DNAH5: variants seen among roughly 807,000 people sequenced by gnomAD.
The protein encoded by DNAH5 is axonemal beta dynein heavy chain 5.
A neutral mutation model predicts 518.2 loss-of-function variants in DNAH5; 372 were observed. The ratio of observed to expected loss-of-function variants is 0.72; its 90% confidence interval spans 0.66 to 0.78. The LOEUF is 0.78. Among genes scored for constraint, DNAH5 ranks in the 30% least tolerant of loss-of-function variants. The pLI is 0.00. For synonymous variants in DNAH5, 2,039 were observed against 2,025.9 expected (o/e 1.01, Z -0.17); for missense variants, 5,523 against 5,687.0 (o/e 0.97, Z 0.93).
rs1776642063 is a variant in DNAH5, at chr5:13,916,363, TG to T, written c.1181del (p.Thr394AsnfsTer5). 1 of 1,489,954 alleles carries T rather than the reference TG, an allele frequency of 6.7e-7. No homozygotes were observed. Among genetic ancestry groups the T allele is most frequent in the African/African-American group, 1.4e-5 (1 of 72,406 alleles). The allele number at this position is 1,489,954 out of a possible 1,614,324, so 92.3% of individuals were successfully genotyped here. ...SHYYNTSEKI[T>X]SLFVKVTNQI... is the part of the protein sequence containing the mutation. ...ATGCACTTACCTTTACAAACAGAGA[TG>T]TGATCTTCTCAGAGGTATTATAGTA... is the stretch of plus-strand genomic sequence containing the variant. On this transcript the variant is annotated frameshift_variant, in exon 9 of 79. Transcript: ENST00000265104. LOFTEE classifies it high-confidence loss of function.
At chr5:13,837,794 G>A (rs911262113) in intron 35 of DNAH5, among the ~76,000 whole-genome samples, 12 of 145,466 alleles carry the variant, frequency 8.2e-5, no homozygotes, top group African/African-American at 2.6e-4. Flanking sequence ...CCTCCGCCTC[G>A]GGTTCAAGTG....
At chr5:13,710,910 G>A (rs1007564087) in intron 75 of DNAH5, among the ~76,000 whole-genome samples, 4 of 152,136 alleles carry the variant, frequency 2.6e-5, no homozygotes, top group Non-Finnish European at 5.9e-5. Context: ...AAGACCAGAA[G>A]GATTCACAGC....
chr5:13,945,852 C>G (rs571854229), upstream of DNAH5, among the ~76,000 whole-genome samples: 1 of 152,194 alleles, frequency 6.6e-6, no homozygotes, highest in Non-Finnish European at 1.5e-5. Flanking sequence ...CAATTGCCCA[C>G]CTCGGCCTCC....
chr5:13,765,027 T>A (rs1051226277), intron 59 of DNAH5, among the ~76,000 whole-genome samples: 2 of 152,228 alleles, frequency 1.3e-5, no homozygotes, highest in African/African-American at 4.8e-5. Context: ...TAAATTTGAC[T>A]ACCATCTGTG....
At chr5:13,907,168 C>T (rs899355920) in intron 12 of DNAH5, among the ~76,000 whole-genome samples, 1 of 152,056 alleles carries the variant, frequency 6.6e-6, no homozygotes. Context: ...CGGTGGCTCA[C>T]GACTGTAATC....
intron 1 of DNAH5, among the ~76,000 whole-genome samples, chr5:13,938,247 C>T (rs551502157): frequency 3.9e-5 from 6 of 152,218 alleles, no homozygotes; most frequent in South Asian, 2.1e-4. Flanking sequence ...CCAAAGCACA[C>T]GGTCCCCCTG....
At position 13,882,967 on chromosome 5, in the gene DNAH5, G is replaced by A. The variant is rs371824972; in HGVS notation, c.3111C>T (p.Ala1037=). 3.7e-5 allele frequency: 59 copies of A among 1,613,984 alleles called. No homozygotes were observed. The Admixed American group carries it at 4.0e-4, about 11-fold the overall frequency. Residue 1037 remains alanine (A), a synonymous_variant, in exon 20 of 79, where the codon GCC becomes GCT. Transcript: ENST00000265104. ...LEDVQQTLNK[A]VECIISVPKG... ...TAGGGACACTGATGATGCACTCCAC[G>A]GCTTTGTTCAGGGTCTGCTGTACAT...
intron 11 of DNAH5, among the ~76,000 whole-genome samples, chr5:13,912,661 T>C (rs1446745354): frequency 6.6e-6 from 1 of 151,472 alleles, no homozygotes; most frequent in African/African-American, 2.4e-5. Flanking sequence ...TATACATATA[T>C]ACACACACAT....
At chr5:13,929,768 A>G (rs1778236823) in intron 2 of DNAH5, among the ~76,000 whole-genome samples, 1 of 152,072 alleles carries the variant, frequency 6.6e-6, no homozygotes. Context: ...CTGGGTTCTG[A>G]CCTTGACATA....
At position 13,841,824 on chromosome 5, in the gene DNAH5, A is replaced by G. The variant is rs1394698421; in HGVS notation, c.5352T>C (p.Asn1784=). The G allele has an allele frequency of 3.7e-6, 6 of 1,608,212 alleles. No homozygotes were observed. The highest frequency in any genetic ancestry group is 5.1e-6 in the Non-Finnish European group (6 of 1,178,524). Residue 1784 remains asparagine, a synonymous_variant, in exon 33 of 79, where the codon AAT becomes AAC. Transcript: ENST00000265104. Reference sequence around the variant, plus strand: ...AAAGAGAATTAAGCCAAACTTCCACATTGCCCTCTGCCATGACAGGTTTAT... The same window carrying G: ...AAAGAGAATTAAGCCAAACTTCCACGTTGCCCTCTGCCATGACAGGTTTAT... ...ELDKPVMAEG[N]VEVWLNSLLE...
At chr5:13,777,143 G>T in intron 54 of DNAH5, 59 bp downstream of exon 54, 2 of 1,517,132 alleles carry the variant, frequency 1.3e-6, no homozygotes, top group Non-Finnish European at 1.8e-6. Context: ...AACATGTAGA[G>T]CTCTAAGCTG....
intron 40 of DNAH5, among the ~76,000 whole-genome samples, chr5:13,821,482 G>A (rs186999010): frequency 6.6e-6 from 1 of 152,056 alleles, no homozygotes; most frequent in Admixed American, 6.5e-5. Context: ...ATGATGGAAG[G>A]GATGCTATTA....
Position 13,864,524 on chromosome 5 carries a change from G to A in DNAH5, c.4469C>T (p.Ala1490Val), listed in dbSNP as rs1768942005. 1 of 1,614,038 alleles carries A rather than the reference G, an allele frequency of 6.2e-7. No homozygotes were observed. The change falls in exon 28 of 79, where the codon GCC becomes GTC. Residue 1490 changes from alanine to valine, a missense_variant. By Grantham distance (64) the Ala-to-Val change is moderately conservative. Around this residue, in one of 3 missense-constraint regions of DNAH5, gnomAD observed 5,121 missense variants for 5,223.3 expected, o/e 0.98. Coordinates refer to ENST00000265104, the MANE Select transcript of DNAH5 (RefSeq NM_001369.3). Reference protein sequence around the residue: ...CPLLEYMASKAMMERHWERIT... With the variant: ...CPLLEYMASKVMMERHWERIT... Reference sequence around the variant, plus strand: ...CCTTTCCCAGTGCCGCTCCATCATGGCTTTACTGGCCATGTATTCCAGCAG... The same window carrying A: ...CCTTTCCCAGTGCCGCTCCATCATGACTTTACTGGCCATGTATTCCAGCAG...
chr5:13,934,751 T>G (rs994228688), intron 1 of DNAH5, among the ~76,000 whole-genome samples: 1 of 152,192 alleles, frequency 6.6e-6, no homozygotes, highest in African/African-American at 2.4e-5. Context: ...CTTGAAGGAC[T>G]ACCTATCTGA....
chr5:13,879,241 C>T (rs1771307152), intron 21 of DNAH5, among the ~76,000 whole-genome samples: 1 of 152,174 alleles, frequency 6.6e-6, no homozygotes, highest in African/African-American at 2.4e-5. Flanking sequence ...TCTCCAGAAA[C>T]TGTTCTGAGT....
chr5:13,840,759 A>C (rs1218841936), intron 34 of DNAH5, 147 bp downstream of exon 34: 3 of 668,532 alleles, frequency 4.5e-6, no homozygotes, highest in Non-Finnish European at 7.7e-6. Flanking sequence ...CTGAAAAGAA[A>C]GCTGATAAGC....
rs565563010 is a variant in DNAH5 at position 13,835,599 on chromosome 5, G to A, written c.5882+3757C>T. On this transcript the variant is annotated intron_variant, in intron 35 of 78. Coordinates refer to ENST00000265104, the MANE Select transcript of DNAH5 (RefSeq NM_001369.3). ...TGCATTTACATATTAAAAGGCTGGGGTTGGAGGGCCAGTTTTTTCGAGGGC... is the reference window on the plus strand; with the variant it reads ...TGCATTTACATATTAAAAGGCTGGGATTGGAGGGCCAGTTTTTTCGAGGGC... Among the ~76,000 whole-genome samples the A allele has an allele frequency of 3.9e-5, 6 of 152,228 alleles. No homozygotes were observed. In the South Asian group the frequency reaches 1.0e-3, roughly 26 times the overall value.
chr5:13,710,681 G>A (rs376382675), intron 75 of DNAH5, among the ~76,000 whole-genome samples: 2 of 152,016 alleles, frequency 1.3e-5, no homozygotes, highest in South Asian at 2.1e-4. Context: ...CAAAACAGGC[G>A]ATATTACAAC....
intron 61 of DNAH5, among the ~76,000 whole-genome samples, chr5:13,758,031 A>T (rs1395213469): frequency 3.9e-5 from 6 of 151,968 alleles, no homozygotes; most frequent in Non-Finnish European, 8.8e-5. Context: ...GCAGATACAG[A>T]TTTTATTAAG....
Sources: gnomAD v4.1 joint callset for allele counts (sites outside exome capture counted in the v4.1 genomes callset) on GRCh38, gnomAD v4.1.1 for gene constraint, gnomAD v4.1.1 regional missense constraint, MANE v1.5 for transcripts, NCBI Gene and HGNC (gene_info 2026-07-23, HGNC 2026-07-21) for gene names.